METAP1D: variants seen among roughly 807,000 people sequenced by gnomAD.
The protein encoded by METAP1D is methionine aminopeptidase 1D, mitochondrial.
Under a neutral mutation model 40.5 loss-of-function variants are expected in METAP1D, and 31 were observed. The ratio of observed to expected loss-of-function variants is 0.77; its 90% CI spans 0.58 to 1.03. The LOEUF is 1.03. Ranked by LOEUF, METAP1D falls within the 50% of genes least tolerant of loss-of-function variation. METAP1D has a pLI of 0.00. For missense variants in METAP1D, 411 were observed against 420.7 expected (o/e 0.98, Z 0.20); for synonymous variants, 151 against 146.4 (o/e 1.03, Z -0.22).
In METAP1D at chr2:172,064,959, GTTTTC is replaced by G. The variant is rs1230376334; in HGVS notation, c.349-640_349-636del. Reference sequence around the variant, plus strand: ...CATATACTTATAAAACTCAATTTCAGTTTTCTTTTAGTTTGGGAGCAATTTAGTTT... The same window carrying G: ...CATATACTTATAAAACTCAATTTCAGTTTTAGTTTGGGAGCAATTTAGTTT... On this transcript the variant is annotated intron_variant, in intron 3 of 9. Transcript: ENST00000315796. 3.3e-5 allele frequency among the ~76,000 whole-genome samples: 5 copies of G among 152,228 alleles called. No homozygotes were observed. The East Asian group carries it at 7.7e-4, about 23-fold the overall frequency.
intron 1 of METAP1D, among the ~76,000 whole-genome samples, chr2:172,061,018 T>C (rs1574135052): frequency 6.6e-6 from 1 of 152,244 alleles, no homozygotes; most frequent in Non-Finnish European, 1.5e-5. Context: ...TGAATTTCAG[T>C]ATAATGCCTC....
chr2:172,066,347 G>A, intron 5 of METAP1D, 41 bp downstream of exon 5: 1 of 1,516,552 alleles, frequency 6.6e-7, no homozygotes, highest in Non-Finnish European at 9.1e-7. Flanking sequence ...ATCAACTTCA[G>A]AATTGCTGGT....
intron 2 of METAP1D, among the ~76,000 whole-genome samples, chr2:172,063,466 C>T (rs915313435): frequency 1.3e-5 from 2 of 152,052 alleles, no homozygotes; most frequent in African/African-American, 2.4e-5. Context: ...TACTTCAGTC[C>T]AGTTTGACTC....
chr2:172,018,239 G>C (rs751261197), intron 1 of METAP1D, among the ~76,000 whole-genome samples: 1 of 151,720 alleles, frequency 6.6e-6, no homozygotes, highest in East Asian at 1.9e-4. Flanking sequence ...CATTTCAGAA[G>C]TCCAAAGTTC....
rs71415273 is a variant in METAP1D at position 172,079,290 on chromosome 2, T to G, written c.850+28T>G. On this transcript the variant is annotated intron_variant, in intron 8 of 9. Coordinates refer to ENST00000315796, the MANE Select transcript of METAP1D (RefSeq NM_199227.3). ...AAATTGAGCTCCTCTTCCGAGTGAG[T>G]GCGTAGCTCCTGGTGGAAGCTTTTG... is the stretch of plus-strand genomic sequence containing the variant. The G allele has an allele frequency of 3.7e-6, 6 of 1,612,448 alleles. No individual in the cohort carries two copies. The East Asian group carries it at 8.9e-5, about 24-fold the overall frequency.
chr2:172,080,622 C>A lies in METAP1D; in HGVS notation c.*216C>A. On this transcript the variant is annotated 3_prime_UTR_variant, in exon 10 of 10. Coordinates refer to ENST00000315796, the MANE Select transcript of METAP1D (RefSeq NM_199227.3). ...TCGCGCGGCTTTGGAAAAACAAATCCTGGCCCTGGACTCGGTTTCCCAGCG... is the reference window on the plus strand; with the variant it reads ...TCGCGCGGCTTTGGAAAAACAAATCATGGCCCTGGACTCGGTTTCCCAGCG... 1.6e-6 allele frequency: 1 copy of A among 610,582 alleles called. No individual in the cohort carries two copies. 37.8% of individuals were successfully genotyped at this position (610,582 alleles called of 1,614,324 possible).
intron 1 of METAP1D, among the ~76,000 whole-genome samples, chr2:172,018,057 C>G (rs62183809): frequency 0.2 from 28,548 of 141,718 alleles, 2,961 homozygotes; most frequent in South Asian, 0.25. Context: ...AACCTGGGAG[C>G]AGGAGGTTGT....
Position 172,042,940 on chromosome 2 carries a change from C to T in METAP1D, c.41-18558C>T, listed in dbSNP as rs1046929508. On this transcript the variant is annotated intron_variant, in intron 1 of 9. Coordinates refer to ENST00000315796, the MANE Select transcript of METAP1D (RefSeq NM_199227.3). ...ACATATATGCGTACATGTGTATACA[C>T]GTATGCGTACCTGTGTATATATATG... Among the ~76,000 whole-genome samples the T allele has an allele frequency of 4.0e-5, 5 of 126,300 alleles. 1 individual carries two copies. The highest frequency in any genetic ancestry group is 4.3e-4 in the East Asian group (2 of 4,628). The allele number at this position is 126,300 out of a possible 152,430, so 82.9% of individuals were successfully genotyped here.
chr2:172,080,267 C>A, intron 9 of METAP1D, 61 bp downstream of exon 9: 2 of 1,613,582 alleles, frequency 1.2e-6, no homozygotes, highest in Admixed American at 3.3e-5. Context: ...GGTCCGACGG[C>A]GCGCTTGTGG....
At chr2:172,034,069 T>C (rs1689311409) in intron 1 of METAP1D, among the ~76,000 whole-genome samples, 1 of 139,878 alleles carries the variant, frequency 7.1e-6, no homozygotes, top group African/African-American at 2.7e-5. Flanking sequence ...AGAGCAAGAC[T>C]TCATCTCAAA....
intron 1 of METAP1D, among the ~76,000 whole-genome samples, chr2:172,040,440 G>A (rs1053140960): frequency 1.3e-5 from 2 of 152,198 alleles, no homozygotes; most frequent in African/African-American, 2.4e-5. Flanking sequence ...AGGTGGAGTC[G>A]GAAGTAGTAT....
chr2:172,012,941 C>T (rs995566736), intron 1 of METAP1D, among the ~76,000 whole-genome samples: 12 of 152,042 alleles, frequency 7.9e-5, no homozygotes, highest in African/African-American at 2.4e-4. Flanking sequence ...GTCTCATGTT[C>T]GGTATGTGTC....
intron 1 of METAP1D, among the ~76,000 whole-genome samples, chr2:172,057,621 A>G (rs949357971): frequency 6.6e-6 from 1 of 152,110 alleles, no homozygotes; most frequent in African/African-American, 2.4e-5. Context: ...TGCCTTTTCA[A>G]TTTTCTGGGT....
intron 1 of METAP1D, among the ~76,000 whole-genome samples, chr2:172,046,663 G>A (rs1366973927): frequency 6.6e-6 from 1 of 152,076 alleles, no homozygotes; most frequent in Non-Finnish European, 1.5e-5. Flanking sequence ...GACTATTATG[G>A]GACTTACTGT....
In METAP1D at chr2:172,070,967, G is replaced by C; in HGVS notation, c.601G>C (p.Glu201Gln). The C allele has an allele frequency of 3.1e-6, 5 of 1,613,118 alleles. No individual in the cohort carries two copies. The highest frequency in any genetic ancestry group is 4.2e-6 in the Non-Finnish European group (5 of 1,179,320). The change falls in exon 6 of 10, where the codon GAA (glutamate) becomes CAA (glutamine). Residue 201 changes from glutamate to glutamine, a missense_variant. Glu to Gln is a conservative substitution (Grantham distance 29, BLOSUM62 2). Transcript: ENST00000315796. ...SETFLVGNVDECGKKLVEVAR... is the reference protein window; with the variant it reads ...SETFLVGNVDQCGKKLVEVAR... ...AACATTTTTGGTGGGCAATGTGGAC[G>C]AATGTGGTAAAAAGTTAGTGGAGGT...
chr2:172,023,471 G>A (rs150792960), intron 1 of METAP1D, among the ~76,000 whole-genome samples: 22 of 152,312 alleles, frequency 1.4e-4, no homozygotes, highest in African/African-American at 5.3e-4. Context: ...TATAAGTACT[G>A]GGTGAGGGCA....
At chr2:172,028,394 A>G (rs1263262313) in intron 1 of METAP1D, among the ~76,000 whole-genome samples, 1 of 152,226 alleles carries the variant, frequency 6.6e-6, no homozygotes. Flanking sequence ...GGGTCAGACC[A>G]TTGCAGGCCC....
chr2:172,032,132 T>C (rs1300423266), intron 1 of METAP1D, among the ~76,000 whole-genome samples: 1 of 152,252 alleles, frequency 6.6e-6, no homozygotes, highest in East Asian at 1.9e-4. Flanking sequence ...AAAAACCCAT[T>C]TGGAGTTGAG....
chr2:172,029,527 A>G (rs1286529431), intron 1 of METAP1D, among the ~76,000 whole-genome samples: 1 of 152,258 alleles, frequency 6.6e-6, no homozygotes, highest in Admixed American at 6.5e-5. Context: ...AAAATAGTAT[A>G]TAGACAAAAG....
Sources: allele counts gnomAD v4.1 joint callset (sites outside exome capture counted in the v4.1 genomes callset), GRCh38; gene constraint gnomAD v4.1.1; transcripts MANE v1.5; gene names NCBI Gene and HGNC (gene_info 2026-07-23, HGNC 2026-07-21).